ROBO2: variants seen among roughly 807,000 people sequenced by gnomAD.
ROBO2 encodes roundabout guidance receptor 2.
ROBO2 carries 53 observed loss-of-function variants against 160.8 expected under a neutral mutation model. The ratio of observed to expected loss-of-function variants is 0.33; its 90% confidence interval spans 0.26 to 0.41. The LOEUF is 0.41. ROBO2 is among the 10% of genes least tolerant of loss of function. The pLI is 1.00. For missense variants in ROBO2, 1,577 were observed against 1,722.4 expected (o/e 0.92, Z 1.49); for synonymous variants, 664 against 611.7 (o/e 1.09, Z -1.26).
intron 2 of ROBO2, among the ~76,000 whole-genome samples, chr3:76,938,421 C>G (rs984463906): frequency 9.3e-5 from 14 of 149,850 alleles, no homozygotes; most frequent in African/African-American, 3.4e-4. Context: ...CCTACACTGG[C>G]CTGCTTCCCT....
chr3:77,608,026 A>G, intron 21 of ROBO2, 72 bp downstream of exon 22: 1 of 1,487,268 alleles, frequency 6.7e-7, no homozygotes, highest in South Asian at 1.1e-5. Flanking sequence ...TTTTGCCATC[A>G]TCTTATGTTC....
At chr3:77,568,260 T>C (rs1373491743) in intron 12 of ROBO2, 53 bp from the exon 14 acceptor site, 13 of 1,595,366 alleles carry the variant, frequency 8.1e-6, no homozygotes, top group Non-Finnish European at 1.1e-5. Flanking sequence ...AAATAAATTG[T>C]AATTTTAATA....
At chr3:77,206,576 C>T (rs73099971) in intron 2 of ROBO2, among the ~76,000 whole-genome samples, 399 of 152,194 alleles carry the variant, frequency 2.6e-3, no homozygotes, top group Non-Finnish European at 4.8e-3. Context: ...AACGTGGTCA[C>T]ATTTATAGGT....
At chr3:77,267,287 T>C (rs1008111307) in intron 2 of ROBO2, among the ~76,000 whole-genome samples, 4 of 152,196 alleles carry the variant, frequency 2.6e-5, no homozygotes, top group South Asian at 2.1e-4. Flanking sequence ...AGCCTTAATT[T>C]ATATAAATGG....
intron 8 of ROBO2, among the ~76,000 whole-genome samples, chr3:77,553,315 C>T (rs1318561360): frequency 6.6e-6 from 1 of 151,826 alleles, no homozygotes; most frequent in Non-Finnish European, 1.5e-5. Flanking sequence ...GGTTTCTTTA[C>T]CCACTGGTTT....
intron 2 of ROBO2, among the ~76,000 whole-genome samples, chr3:77,112,181 C>A (rs2073682038): frequency 8.4e-6 from 1 of 119,046 alleles, no homozygotes; most frequent in Admixed American, 1.1e-4. Context: ...GGTGACAGAG[C>A]GAGACTCGTC....
chr3:77,395,770 C>T (rs757758924), intron 2 of ROBO2, among the ~76,000 whole-genome samples: 13 of 152,064 alleles, frequency 8.5e-5, no homozygotes, highest in South Asian at 8.3e-4. Context: ...ATTTAATATG[C>T]GATGCATGAT....
intron 2 of ROBO2, among the ~76,000 whole-genome samples, chr3:76,024,212 C>G (rs1044902658): frequency 6.6e-6 from 1 of 151,112 alleles, no homozygotes; most frequent in Non-Finnish European, 1.5e-5. Context: ...ACTGTTTTTC[C>G]AGAATAATGA....
At chr3:76,125,332 G>A (rs1303533944) in intron 2 of ROBO2, among the ~76,000 whole-genome samples, 2 of 152,130 alleles carry the variant, frequency 1.3e-5, no homozygotes, top group Admixed American at 6.6e-5. Flanking sequence ...CATTTTGGTA[G>A]AGTGATTTAT....
At chr3:76,855,788 G>A (rs1201425617) in intron 2 of ROBO2, among the ~76,000 whole-genome samples, 1 of 151,962 alleles carries the variant, frequency 6.6e-6, no homozygotes, top group African/African-American at 2.4e-5. Flanking sequence ...ATGGGTTTCT[G>A]CACATTATAC....
chr3:76,394,711 A>G (rs1054644079), intron 2 of ROBO2, among the ~76,000 whole-genome samples: 8 of 152,146 alleles, frequency 5.3e-5, no homozygotes, highest in African/African-American at 1.9e-4. Context: ...TGAAACCACC[A>G]ACGATCAAAA....
chr3:76,834,062 T>TTTCTTTCTTTC (rs368797764), intron 2 of ROBO2, among the ~76,000 whole-genome samples: 14 of 88,084 alleles, frequency 1.6e-4, no homozygotes, highest in East Asian at 3.7e-4. Flanking sequence ...CCTTTCTTTC[T>TTTCTTTCTTTC]TTTCTTTCTT....
intron 2 of ROBO2, among the ~76,000 whole-genome samples, chr3:76,059,205 G>C (rs2067976897): frequency 6.6e-6 from 1 of 151,452 alleles, no homozygotes; most frequent in Non-Finnish European, 1.5e-5. Flanking sequence ...TCTAGTTCTA[G>C]ATCCCTGAGG....
At chr3:77,122,098 T>C (rs1178787496) in intron 2 of ROBO2, among the ~76,000 whole-genome samples, 2 of 152,308 alleles carry the variant, frequency 1.3e-5, no homozygotes, top group African/African-American at 4.8e-5. Context: ...ATTCTTAGGA[T>C]TGATCTCTTT....
At chr3:76,924,349 TG>T (rs1365179983) in intron 2 of ROBO2, among the ~76,000 whole-genome samples, 2 of 152,190 alleles carry the variant, frequency 1.3e-5, no homozygotes, top group African/African-American at 2.4e-5. Context: ...TCTTTATAAA[TG>T]CTCTTAAAGG....
rs1056712419 is a variant in ROBO2 at position 76,221,041 on chromosome 3, G to A, written c.109+283439G>A. Among the ~76,000 whole-genome samples, 3 of 132,420 alleles carry A rather than the reference G, an allele frequency of 2.3e-5. No homozygotes were observed. The East Asian group carries it at 6.7e-4, about 30-fold the overall frequency. 86.9% of individuals were successfully genotyped at this position (132,420 alleles called of 152,430 possible). On this transcript the variant is annotated intron_variant, in intron 2 of 26. Transcript: ENST00000487694. ...TGGTAATACTAGGAGACATCATGAA[G>A]GATCTCCTGTGTTGTAGATATACTC... is the stretch of plus-strand genomic sequence containing the variant.
intron 21 of ROBO2, among the ~76,000 whole-genome samples, chr3:77,612,901 C>A (rs570341113): frequency 1.2e-3 from 179 of 151,686 alleles, no homozygotes; most frequent in South Asian, 1.9e-3. Context: ...TGCAGTGAGC[C>A]GAGATCGCGC....
In ROBO2 at chr3:76,187,986, C is replaced by A. The variant is rs1701841381; in HGVS notation, c.109+250384C>A. On this transcript the variant is annotated intron_variant, in intron 2 of 26. Transcript: ENST00000487694. Reference sequence around the variant, plus strand: ...ACATAATTTCTAAACTCACTTAGTGCCACTTTTCCTATATCTGACAATAAT... The same window carrying A: ...ACATAATTTCTAAACTCACTTAGTGACACTTTTCCTATATCTGACAATAAT... Among the ~76,000 whole-genome samples the A allele has an allele frequency of 2.0e-5, 3 of 152,108 alleles. No individual in the cohort carries two copies. In the South Asian group the frequency reaches 6.2e-4, roughly 31 times the overall value.
At chr3:77,328,116 G>T (rs911814401) in intron 2 of ROBO2, among the ~76,000 whole-genome samples, 9 of 149,302 alleles carry the variant, frequency 6.0e-5, no homozygotes, top group Non-Finnish European at 1.0e-4. Flanking sequence ...AAATGTTCCT[G>T]TTTACTCACC....
Sources: allele counts gnomAD v4.1 joint callset (sites outside exome capture counted in the v4.1 genomes callset), GRCh38; gene constraint gnomAD v4.1.1; transcripts MANE v1.5; gene names NCBI Gene and HGNC (gene_info 2026-07-23, HGNC 2026-07-21).